Variants in LRCH1 observed in about 807,000 individuals in gnomAD.
The protein encoded by LRCH1 is leucine-rich repeat and calponin homology domain-containing protein 1.
LRCH1 carries 23 observed loss-of-function variants against 94.9 expected under a neutral mutation model. That is an observed-to-expected ratio of 0.24 (90% CI 0.17 to 0.34). The LOEUF (loss-of-function observed/expected upper bound fraction) is 0.34, where lower values mean the gene tolerates loss of function less well. Among genes scored for constraint, LRCH1 ranks in the 10% least tolerant of loss-of-function variants. The pLI is 1.00. For missense variants in LRCH1, 790 were observed against 945.9 expected (o/e 0.84, Z 2.16); for synonymous variants, 364 against 354.9 (o/e 1.03, Z -0.29).
intron 2 of LRCH1, among the ~76,000 whole-genome samples, chr13:46,660,684 C>T (rs2051436928): frequency 6.6e-6 from 1 of 152,146 alleles, no homozygotes; most frequent in Non-Finnish European, 1.5e-5. Context: ...TTTTTCTTCT[C>T]TATTACCGTA....
intron 1 of LRCH1, among the ~76,000 whole-genome samples, chr13:46,623,251 C>T (rs1196441442): frequency 6.6e-6 from 1 of 151,936 alleles, no homozygotes; most frequent in Non-Finnish European, 1.5e-5. Flanking sequence ...AATAATAATG[C>T]ACAATCTTGG....
Position 46,741,941 on chromosome 13 carries a change from C to T in LRCH1, c.*93C>T. 1 of 1,581,434 alleles carries T rather than the reference C, an allele frequency of 6.3e-7. No individual in the cohort carries two copies. The highest frequency in any genetic ancestry group is 8.6e-7 in the Non-Finnish European group (1 of 1,164,412). ...GAGCCTTTGCCTTGCAAACTTCCAT[C>T]CCTGTCATGTCTTCAGTTATCTCTC... is the stretch of plus-strand genomic sequence containing the variant. On this transcript the variant is annotated 3_prime_UTR_variant, in exon 20 of 20. Coordinates refer to ENST00000389797, the MANE Select transcript of LRCH1 (RefSeq NM_001164211.2).
chr13:46,658,606 A>T (rs1216863), intron 2 of LRCH1, among the ~76,000 whole-genome samples: 1 of 151,942 alleles, frequency 6.6e-6, no homozygotes, highest in African/African-American at 2.4e-5. Flanking sequence ...TAGCCTCCGC[A>T]GGAGCTGGGA....
downstream of LRCH1, among the ~76,000 whole-genome samples, chr13:46,748,582 A>G (rs1295954934): frequency 6.6e-6 from 1 of 152,138 alleles, no homozygotes; most frequent in Non-Finnish European, 1.5e-5. Context: ...CAGGCCACAG[A>G]TATCCCTCAC....
intron 3 of LRCH1, among the ~76,000 whole-genome samples, chr13:46,673,803 GGAGTGCAGCGGCTGTCGCCGAGGCTA>G (rs371087887): frequency 0.024 from 3,466 of 141,886 alleles, 46 homozygotes; most frequent in South Asian, 0.054. Context: ...CACCCAGGCT[GGAGTGCAGCGGCTGTCGCCGAGGCTA>G]GAGTGCAGCG....
chr13:46,712,474 T>C, intron 14 of LRCH1, 51 bp from the exon 15 acceptor site: 1 of 1,356,884 alleles, frequency 7.4e-7, no homozygotes, highest in Non-Finnish European at 1.1e-6. Flanking sequence ...ACATAGTTCT[T>C]CTGTTTTCCT....
chr13:46,676,194 G>A (rs2051670777), intron 3 of LRCH1, among the ~76,000 whole-genome samples: 1 of 151,870 alleles, frequency 6.6e-6, no homozygotes. Context: ...CTGGGAGGTG[G>A]AGGTTGCAGC....
intron 4 of LRCH1, among the ~76,000 whole-genome samples, chr13:46,682,285 C>T (rs569993200): frequency 2.6e-5 from 4 of 152,182 alleles, no homozygotes; most frequent in South Asian, 4.2e-4. Context: ...TGGGTCTTCT[C>T]GTCATCTCCC....
chr13:46,689,648 G>A (rs910495753), intron 7 of LRCH1, among the ~76,000 whole-genome samples: 1 of 152,108 alleles, frequency 6.6e-6, no homozygotes, highest in African/African-American at 2.4e-5. Context: ...TGATCCACAG[G>A]AAATGCATTT....
At chr13:46,619,100 CTTCCTTCCTTCCT>C (rs568794096) in intron 1 of LRCH1, among the ~76,000 whole-genome samples, 11,465 of 76,044 alleles carry the variant, frequency 0.15, 628 homozygotes, top group Middle Eastern at 0.29. Flanking sequence ...TCCTTCCTTC[CTTCCTTCCTTCCT>C]TTTTTTTGGT....
chr13:46,573,868 T>TATATATATATATATATATA (rs1374087114), intron 1 of LRCH1, among the ~76,000 whole-genome samples: 25 of 40,448 alleles, frequency 6.2e-4, no homozygotes, highest in East Asian at 1.3e-3. Context: ...ATATATATAT[T>TATATATATATATATATATA]TTTTTTTTTT....
intron 13 of LRCH1, among the ~76,000 whole-genome samples, chr13:46,709,156 G>A (rs1463908374): frequency 6.6e-6 from 1 of 152,174 alleles, no homozygotes; most frequent in Non-Finnish European, 1.5e-5. Flanking sequence ...AAAATCATCT[G>A]ACACTTTTCC....
intron 16 of LRCH1, among the ~76,000 whole-genome samples, chr13:46,722,167 T>C (rs1337780360): frequency 1.3e-5 from 2 of 152,216 alleles, no homozygotes; most frequent in Non-Finnish European, 2.9e-5. Context: ...TAAATCATCA[T>C]GATTGAAACT....
At chr13:46,671,755 C>A (rs188193197) in intron 3 of LRCH1, among the ~76,000 whole-genome samples, 130 of 152,248 alleles carry the variant, frequency 8.5e-4, no homozygotes, top group African/African-American at 3.0e-3. Context: ...ACTAAAAAAA[C>A]CAGACTTTAT....
intron 1 of LRCH1, among the ~76,000 whole-genome samples, chr13:46,578,174 G>C (rs1009195281): frequency 3.3e-5 from 5 of 152,198 alleles, no homozygotes; most frequent in Admixed American, 2.0e-4. Context: ...CCTGGCTGCG[G>C]TTAGCTTTAA....
intron 1 of LRCH1, among the ~76,000 whole-genome samples, chr13:46,556,996 A>G (rs1437302278): frequency 6.6e-6 from 1 of 152,170 alleles, no homozygotes; most frequent in African/African-American, 2.4e-5. Flanking sequence ...AAATAGGATG[A>G]GTTACAGGAT....
intron 2 of LRCH1, among the ~76,000 whole-genome samples, chr13:46,659,714 A>T (rs1228259702): frequency 6.6e-6 from 1 of 152,134 alleles, no homozygotes; most frequent in Non-Finnish European, 1.5e-5. Flanking sequence ...AGCAGTAGCT[A>T]GTGTTTTAGG....
In LRCH1 at chr13:46,553,435, G is replaced by T. The variant is rs1048783666; in HGVS notation, c.39G>T (p.Pro13=). ...TPGSEPQPFV[P]ALSVATLHPL... ...GAAGCGAACCCCAACCTTTCGTCCC[G>T]GCCCTTTCGGTAGCTACTCTGCACC... is the stretch of plus-strand genomic sequence containing the variant. Residue 13 remains proline (P), a synonymous_variant, in exon 1 of 20, where the codon CCG becomes CCT. Coordinates refer to ENST00000389797, the MANE Select transcript of LRCH1 (RefSeq NM_001164211.2). 2.1e-5 allele frequency: 32 copies of T among 1,548,602 alleles called. No individual in the cohort carries two copies. In the African/African-American group the frequency reaches 3.6e-4, roughly 17 times the overall value.
intron 8 of LRCH1, among the ~76,000 whole-genome samples, chr13:46,693,093 TC>T (rs1189013611): frequency 6.6e-6 from 1 of 151,400 alleles, no homozygotes; most frequent in Non-Finnish European, 1.5e-5. Flanking sequence ...TGCCTCAGCC[TC>T]CCGAGTAGCT....
Sources: allele counts gnomAD v4.1 joint callset (sites outside exome capture counted in the v4.1 genomes callset), GRCh38; gene constraint gnomAD v4.1.1; transcripts MANE v1.5; gene names NCBI Gene and HGNC (gene_info 2026-07-23, HGNC 2026-07-21).